The following MOB3B variants were observed in gnomAD, a reference collection of about 807,000 sequenced individuals.
MOB3B encodes the protein MOB kinase activator-like 2B.
MOB3B carries 7 observed loss-of-function variants against 18.7 expected under a neutral mutation model. The observed-to-expected ratio is 0.37, with a 90% CI of 0.21 to 0.70. MOB3B has a LOEUF of 0.70. MOB3B is among the 30% of genes least tolerant of loss of function. The pLI is 0.52. For missense variants in MOB3B, 253 were observed against 281.3 expected (o/e 0.90, Z 0.72); for synonymous variants, 111 against 99.9 (o/e 1.11, Z -0.66).
intron 2 of MOB3B, among the ~76,000 whole-genome samples, chr9:27,398,685 C>T (rs1821834825): frequency 6.6e-6 from 1 of 152,162 alleles, no homozygotes; most frequent in Non-Finnish European, 1.5e-5. Context: ...GAACCCATGT[C>T]AGGGATGCAG....
intron 1 of MOB3B, among the ~76,000 whole-genome samples, chr9:27,489,553 C>T (rs1040250797): frequency 2.0e-5 from 3 of 152,092 alleles, no homozygotes; most frequent in Non-Finnish European, 4.4e-5. Flanking sequence ...TGCTGGTATA[C>T]AATGCTGCCT....
chr9:27,411,783 C>A (rs1287500672), intron 2 of MOB3B, among the ~76,000 whole-genome samples: 2 of 152,062 alleles, frequency 1.3e-5, no homozygotes, highest in African/African-American at 4.8e-5. Flanking sequence ...TTGCCAAAAC[C>A]CATAGAACTA....
At chr9:27,367,094 T>C (rs1821352950) in intron 2 of MOB3B, among the ~76,000 whole-genome samples, 1 of 152,194 alleles carries the variant, frequency 6.6e-6, no homozygotes, top group African/African-American at 2.4e-5. Context: ...GTCTCCTTAG[T>C]GGCCTGGCAC....
In MOB3B at chr9:27,521,637, A is replaced by T. The variant is rs113089087; in HGVS notation, c.-199+7918T>A. 4.3e-3 allele frequency among the ~76,000 whole-genome samples: 651 copies of T among 152,326 alleles called. 8 individuals are homozygous for T. Among genetic ancestry groups the T allele is most frequent in the African/African-American group, 0.015 (624 of 41,568 alleles). ...AAGAAGTTTTAGGTAGAGAAGTTAT[A>T]TGAGGTATGTAAAAAGCCATGGCCC... On this transcript the variant is annotated intron_variant, in intron 1 of 3. Coordinates refer to ENST00000262244, the MANE Select transcript of MOB3B (RefSeq NM_024761.5).
chr9:27,450,600 T>C (rs1265524650), intron 2 of MOB3B, among the ~76,000 whole-genome samples: 1 of 152,190 alleles, frequency 6.6e-6, no homozygotes, highest in East Asian at 1.9e-4. Flanking sequence ...TTCTCCATCC[T>C]AAACAACCTC....
At chr9:27,375,010 C>T (rs1328392428) in intron 2 of MOB3B, among the ~76,000 whole-genome samples, 2 of 152,244 alleles carry the variant, frequency 1.3e-5, no homozygotes, top group African/African-American at 4.8e-5. Flanking sequence ...GGAGCAGGGG[C>T]TCTGTCCACC....
chr9:27,528,933 G>A (rs943017973), intron 1 of MOB3B, among the ~76,000 whole-genome samples: 9 of 152,188 alleles, frequency 5.9e-5, no homozygotes, highest in Non-Finnish European at 1.2e-4. Context: ...GGAAAGGGAG[G>A]GGCTGGGATT....
At chr9:27,341,074 A>G (rs577561450) in intron 3 of MOB3B, among the ~76,000 whole-genome samples, 10 of 152,306 alleles carry the variant, frequency 6.6e-5, no homozygotes, top group South Asian at 2.1e-4. Context: ...AGGGCAGGGG[A>G]AGGAATTCTC....
intron 1 of MOB3B, among the ~76,000 whole-genome samples, chr9:27,486,459 A>T (rs1313806350): frequency 6.6e-6 from 1 of 152,198 alleles, no homozygotes; most frequent in Non-Finnish European, 1.5e-5. Flanking sequence ...AGCATTATGG[A>T]GGCAATGAAT....
chr9:27,426,465 A>C (rs6475997), intron 2 of MOB3B, among the ~76,000 whole-genome samples: 1 of 151,996 alleles, frequency 6.6e-6, no homozygotes, highest in Non-Finnish European at 1.5e-5. Flanking sequence ...GGCAAAGCTT[A>C]TGCACACAGA....
chr9:27,326,102 C>G lies in MOB3B; in HGVS notation c.*4485G>C, dbSNP rs1050286587. The G allele has an allele frequency of 1.1e-5, 2 of 178,844 alleles. No homozygotes were observed. Among genetic ancestry groups the G allele is most frequent in the Non-Finnish European group, 2.3e-5 (2 of 86,450 alleles). 11.1% of individuals were successfully genotyped at this position (178,844 alleles called of 1,614,324 possible). On this transcript the variant is annotated 3_prime_UTR_variant, in exon 4 of 4. Transcript: ENST00000262244. ...TTGCATGGCGATTAAAATAGAAAAC[C>G]TATAAATGTAGAAAAAGCAGGTCTG...
chr9:27,528,626 G>A (rs992824096), intron 1 of MOB3B, among the ~76,000 whole-genome samples: 8 of 152,244 alleles, frequency 5.3e-5, no homozygotes, highest in African/African-American at 1.9e-4. Context: ...GGACCAGAGG[G>A]GCTTCCTTCT....
rs1033598255 is a variant in MOB3B, at chr9:27,327,497, A to C, written c.*3090T>G. 6.6e-6 allele frequency: 1 copy of C among 152,134 alleles called. No individual in the cohort carries two copies. Among genetic ancestry groups the C allele is most frequent in the African/African-American group, 2.4e-5 (1 of 41,430 alleles). The allele number at this position is 152,134 out of a possible 1,614,324, so 9.4% of individuals were successfully genotyped here. A position where few individuals can be genotyped will look rare whatever the true frequency, so the allele number is the denominator to read the frequency against. ...AGTAAAAAAGTCTAGATTGTGGGAC[A>C]TTCCACAAACTTGCCTGAACTCTTT... On this transcript the variant is annotated 3_prime_UTR_variant, in exon 4 of 4. Transcript: ENST00000262244.
Position 27,326,278 on chromosome 9 carries a change from A to G in MOB3B, c.*4309T>C. On this transcript the variant is annotated 3_prime_UTR_variant, in exon 4 of 4. Coordinates refer to ENST00000262244, the MANE Select transcript of MOB3B (RefSeq NM_024761.5). ...ATCAGTGGTCAACAATGGAGCAACA[A>G]GACTCCGTAGAGGATGCCACCCTGG... 1 of 392,592 alleles carries G rather than the reference A, an allele frequency of 2.5e-6. No individual in the cohort carries two copies. The allele number at this position is 392,592 out of a possible 1,614,324, so 24.3% of individuals were successfully genotyped here.
In MOB3B at chr9:27,328,395, A is replaced by G. The variant is rs1563841110; in HGVS notation, c.*2192T>C. ...AACAGGAATATTCTGTGATTAAAAAAAAAAAAAGGGTAGTTTGCCAGAATT... is the reference window on the plus strand; with the variant it reads ...AACAGGAATATTCTGTGATTAAAAAGAAAAAAAGGGTAGTTTGCCAGAATT... On this transcript the variant is annotated 3_prime_UTR_variant, in exon 4 of 4. Transcript: ENST00000262244. 1.3e-5 allele frequency: 2 copies of G among 152,132 alleles called. No homozygotes were observed. Among genetic ancestry groups the G allele is most frequent in the Non-Finnish European group, 2.9e-5 (2 of 68,030 alleles). The allele number at this position is 152,132 out of a possible 1,614,324, so 9.4% of individuals were successfully genotyped here.
At chr9:27,409,797 T>G (rs957622853) in intron 2 of MOB3B, among the ~76,000 whole-genome samples, 1 of 152,148 alleles carries the variant, frequency 6.6e-6, no homozygotes, top group South Asian at 2.1e-4. Flanking sequence ...GTCGAAACAT[T>G]ATGCTAGGTG....
chr9:27,355,111 A>G (rs1821166990), intron 3 of MOB3B, among the ~76,000 whole-genome samples: 1 of 152,216 alleles, frequency 6.6e-6, no homozygotes, highest in African/African-American at 2.4e-5. Context: ...GACTTTTCTT[A>G]GGCACTGTAT....
chr9:27,455,828 C>A (rs1822860729), intron 1 of MOB3B, 80 bp from the exon 2 acceptor site: 12 of 1,313,868 alleles, frequency 9.1e-6, no homozygotes, highest in Non-Finnish European at 1.1e-5. Context: ...TGATTTCCAC[C>A]TTGTGTTCTT....
chr9:27,510,625 T>C (rs142075816), intron 1 of MOB3B, among the ~76,000 whole-genome samples: 31 of 152,378 alleles, frequency 2.0e-4, no homozygotes, highest in African/African-American at 7.0e-4. Context: ...TATATGGTGT[T>C]CTAAATTTCT....
Sources: gnomAD v4.1 joint callset for allele counts (sites outside exome capture counted in the v4.1 genomes callset) on GRCh38, gnomAD v4.1.1 for gene constraint, MANE v1.5 for transcripts, NCBI Gene and HGNC (gene_info 2026-07-23, HGNC 2026-07-21) for gene names.